RTN1: variants seen among roughly 807,000 people sequenced by gnomAD.
RTN1 encodes reticulon-1.
Under a neutral mutation model 65.5 loss-of-function variants are expected in RTN1, and 25 were observed. The ratio of observed to expected loss-of-function variants is 0.38; its 90% CI spans 0.28 to 0.53. The LOEUF is 0.53. RTN1 is among the 20% of genes least tolerant of loss of function. The pLI, the probability that RTN1 is intolerant of heterozygous loss-of-function variation, is 0.79. For synonymous variants in RTN1, 471 were observed against 447.6 expected (o/e 1.05, Z -0.66); for missense variants, 983 against 1,025.4 (o/e 0.96, Z 0.57).
At chr14:59,782,355 C>T (rs1392979743) in intron 1 of RTN1, among the ~76,000 whole-genome samples, 4 of 152,168 alleles carry the variant, frequency 2.6e-5, no homozygotes, top group African/African-American at 9.7e-5. Flanking sequence ...CTAACAAAAT[C>T]TGTTGGAGAA....
intron 3 of RTN1, among the ~76,000 whole-genome samples, chr14:59,631,334 G>A (rs1432523402): frequency 6.6e-6 from 1 of 152,160 alleles, no homozygotes; most frequent in Non-Finnish European, 1.5e-5. Flanking sequence ...TTGGACTCTG[G>A]TACGTGGAGT....
chr14:59,664,490 A>T (rs956039576), intron 3 of RTN1, among the ~76,000 whole-genome samples: 2 of 152,086 alleles, frequency 1.3e-5, no homozygotes, highest in Non-Finnish European at 2.9e-5. Context: ...AAATAACCAC[A>T]ATATGATAAA....
intron 3 of RTN1, among the ~76,000 whole-genome samples, chr14:59,721,996 A>G (rs1269752486): frequency 1.3e-5 from 2 of 152,230 alleles, no homozygotes; most frequent in East Asian, 1.9e-4. Flanking sequence ...GAAAAACGAG[A>G]TAAGAAAGAT....
rs1363503775 is a variant in RTN1 at position 59,749,304 on chromosome 14, ATATC to A, written c.242-2827_242-2824del. ...TATATATATCTATATATATCTATAT[ATATC>A]TATATATATATCTATATATCTATAT... On this transcript the variant is annotated intron_variant, in intron 1 of 8. Transcript: ENST00000267484. Among the ~76,000 whole-genome samples the A allele has an allele frequency of 6.0e-5, 4 of 66,624 alleles. 1 individual carries two copies. Among genetic ancestry groups the A allele is most frequent in the African/African-American group, 4.0e-4 (4 of 9,912 alleles). 43.7% of individuals were successfully genotyped at this position (66,624 alleles called of 152,430 possible). A position where few individuals can be genotyped will look rare whatever the true frequency, so the allele number is the denominator to read the frequency against.
chr14:59,729,926 C>A (rs187640528), intron 2 of RTN1, among the ~76,000 whole-genome samples: 136 of 152,286 alleles, frequency 8.9e-4, no homozygotes, highest in Non-Finnish European at 1.6e-3. Context: ...GATATTTATA[C>A]CCTCTGCTGC....
intron 3 of RTN1, among the ~76,000 whole-genome samples, chr14:59,666,524 A>C (rs2140211169): frequency 6.6e-6 from 1 of 152,316 alleles, no homozygotes; most frequent in East Asian, 1.9e-4. Context: ...CATCACAATT[A>C]AAAGAACTAG....
At chr14:59,692,448 T>C (rs1369416421) in intron 3 of RTN1, among the ~76,000 whole-genome samples, 1 of 152,214 alleles carries the variant, frequency 6.6e-6, no homozygotes, top group Admixed American at 6.5e-5. Flanking sequence ...TTCATGCTCA[T>C]GGATTGGAAG....
At chr14:59,661,929 C>T (rs908082994) in intron 3 of RTN1, among the ~76,000 whole-genome samples, 1 of 151,932 alleles carries the variant, frequency 6.6e-6, no homozygotes, top group African/African-American at 2.4e-5. Context: ...AGAAATAAAG[C>T]GTATTCAATT....
intron 3 of RTN1, among the ~76,000 whole-genome samples, chr14:59,724,348 C>T (rs1884711624): frequency 6.6e-6 from 1 of 152,156 alleles, no homozygotes; most frequent in South Asian, 2.1e-4. Context: ...AAACCTTATC[C>T]TAAATATTAT....
intron 2 of RTN1, among the ~76,000 whole-genome samples, chr14:59,731,308 A>T (rs2139484666): frequency 6.6e-6 from 1 of 152,298 alleles, no homozygotes; most frequent in South Asian, 2.1e-4. Context: ...AAATTTATAG[A>T]GAAAGAAAGA....
At chr14:59,651,762 C>T (rs942904253) in intron 3 of RTN1, among the ~76,000 whole-genome samples, 2 of 151,692 alleles carry the variant, frequency 1.3e-5, no homozygotes, top group Non-Finnish European at 2.9e-5. Context: ...AACAACCCCC[C>T]CAAAAAAACC....
At position 59,746,003 on chromosome 14, in the gene RTN1, G is replaced by T. The variant is rs770052003; in HGVS notation, c.720C>A (p.Asp240Glu). ...SIKPEGVREP[D>E]KPAPVEGKII... ...TTTTTCCCTCCACAGGAGCTGGTTT[G>T]TCAGGTTCACGGACTCCTTCAGGTT... Residue 240 changes from aspartate (D) to glutamate (E), a missense_variant, in exon 2 of 9, where the codon GAC becomes GAA. This residue lies in a region of RTN1 where 818 missense variants were observed against 801.8 expected (regional missense o/e 1.02). Coordinates refer to ENST00000267484, the MANE Select transcript of RTN1 (RefSeq NM_021136.3). The T allele has an allele frequency of 1.9e-6, 3 of 1,614,174 alleles. No homozygotes were observed. The highest frequency in any genetic ancestry group is 1.1e-5 in the South Asian group (1 of 91,076).
chr14:59,644,100 G>C (rs1386971647), intron 3 of RTN1, among the ~76,000 whole-genome samples: 1 of 152,186 alleles, frequency 6.6e-6, no homozygotes, highest in African/African-American at 2.4e-5. Context: ...AAATTCTGGA[G>C]ATAAAAGTAC....
At chr14:59,751,191 C>CTTTTT (rs34021179) in intron 1 of RTN1, among the ~76,000 whole-genome samples, 22 of 90,806 alleles carry the variant, frequency 2.4e-4, no homozygotes, top group African/African-American at 3.7e-4. Context: ...CTCATTATAC[C>CTTTTT]TTTTTTTTTT....
intron 1 of RTN1, among the ~76,000 whole-genome samples, chr14:59,763,041 T>C (rs1421162813): frequency 1.3e-5 from 2 of 152,204 alleles, no homozygotes; most frequent in African/African-American, 4.8e-5. Flanking sequence ...AATAGAAAGA[T>C]GTGAATAACA....
At chr14:59,706,094 G>A (rs1884286005) in intron 3 of RTN1, among the ~76,000 whole-genome samples, 1 of 152,208 alleles carries the variant, frequency 6.6e-6, no homozygotes, top group Non-Finnish European at 1.5e-5. Flanking sequence ...TAAAGCAGGA[G>A]AGGAAGTCTC....
intron 3 of RTN1, among the ~76,000 whole-genome samples, chr14:59,642,061 C>A (rs534042192): frequency 1.3e-5 from 2 of 152,036 alleles, no homozygotes; most frequent in Non-Finnish European, 2.9e-5. Flanking sequence ...ATTAACTTTT[C>A]TTTGAGAATA....
intron 2 of RTN1, among the ~76,000 whole-genome samples, chr14:59,740,104 C>T (rs1453853878): frequency 6.6e-6 from 1 of 152,218 alleles, no homozygotes; most frequent in South Asian, 2.1e-4. Context: ...TGCCCTTTCA[C>T]CCTTTCCCAC....
intron 1 of RTN1, among the ~76,000 whole-genome samples, chr14:59,776,408 C>T (rs1262684529): frequency 6.6e-6 from 1 of 152,158 alleles, no homozygotes; most frequent in Non-Finnish European, 1.5e-5. Flanking sequence ...GTCCTTCTGC[C>T]TTCCACCATG....
Sources: allele counts gnomAD v4.1 joint callset (sites outside exome capture counted in the v4.1 genomes callset), GRCh38; gene constraint gnomAD v4.1.1; regional missense constraint gnomAD v4.1.1; transcripts MANE v1.5; gene names NCBI Gene and HGNC (gene_info 2026-07-23, HGNC 2026-07-21).